Variants in STX1A observed in about 807,000 individuals in gnomAD.
STX1A encodes syntaxin 1A.
A neutral mutation model predicts 37.8 loss-of-function variants in STX1A; 4 were observed. The ratio of observed to expected loss-of-function variants is 0.11; its 90% CI spans 0.05 to 0.24. STX1A has a LOEUF of 0.24. Ranked by LOEUF, STX1A falls within the 10% of genes least tolerant of loss-of-function variation. STX1A has a pLI of 1.00. For missense variants in STX1A, 251 were observed against 399.9 expected, an observed-to-expected ratio of 0.63 and a Z score of 3.18; for synonymous variants, 135 against 147.4, an observed-to-expected ratio of 0.92 and a Z score of 0.61.
intron 1 of STX1A, among the ~76,000 whole-genome samples, chr7:73,715,403 A>G (rs1554618541): frequency 6.6e-6 from 1 of 151,996 alleles, no homozygotes; most frequent in East Asian, 1.9e-4. Flanking sequence ...GCCTGGAGAC[A>G]GTGCGAGACT....
intron 1 of STX1A, among the ~76,000 whole-genome samples, chr7:73,713,624 G>C (rs1799181828): frequency 6.6e-6 from 1 of 152,226 alleles, no homozygotes; most frequent in African/African-American, 2.4e-5. Context: ...CAGCTACTCA[G>C]GAGGCTGAGG....
At chr7:73,701,200 A>G in intron 8 of STX1A, 2 of 537,408 alleles carry the variant, frequency 3.7e-6, no homozygotes, top group Non-Finnish European at 6.6e-6. Flanking sequence ...TGCCCTGGCC[A>G]TAGCTCCTGA....
In STX1A at chr7:73,717,411, TGTG is replaced by T. The variant is rs1799326815; in HGVS notation, c.30+2188_30+2190del. On this transcript the variant is annotated intron_variant, in intron 1 of 9. Transcript: ENST00000222812. The surrounding 1 kb of genome is among the most constrained non-coding windows in gnomAD (Gnocchi z 4.1). ...CCTGGGGCTTCAGGCCTCCTACAAATGTGGAGCTGGAGTCAGGAGACCTGTAGC... is the reference window on the plus strand; with the variant it reads ...CCTGGGGCTTCAGGCCTCCTACAAATGAGCTGGAGTCAGGAGACCTGTAGC... 6.6e-6 allele frequency among the ~76,000 whole-genome samples: 1 copy of T among 152,108 alleles called. No individual in the cohort carries two copies. Among genetic ancestry groups the T allele is most frequent in the African/African-American group, 2.4e-5 (1 of 41,412 alleles).
At position 73,705,008 on chromosome 7, in the gene STX1A, G is replaced by A. The variant is rs1307057552; in HGVS notation, c.283+142C>T. ...CAACGGGCCTTGCCAAGTAGCTGCT[G>A]AGTGAATGGGCACATGACGCCACCC... On this transcript the variant is annotated intron_variant, in intron 4 of 9. Transcript: ENST00000222812. The surrounding 1 kb of genome is among the most constrained non-coding windows in gnomAD (Gnocchi z 5.2). The A allele has an allele frequency of 1.7e-5, 14 of 819,062 alleles. No individual in the cohort carries two copies. Among genetic ancestry groups the A allele is most frequent in the Non-Finnish European group, 2.5e-5 (12 of 482,594 alleles). 50.7% of individuals were successfully genotyped at this position (819,062 alleles called of 1,614,324 possible).
rs548571540 is a variant in STX1A, at chr7:73,703,047, G to A, written c.541-65C>T. 6.0e-6 allele frequency: 8 copies of A among 1,337,868 alleles called. No individual in the cohort carries two copies. In the East Asian group the frequency reaches 8.0e-5, roughly 13 times the overall value. The allele number at this position is 1,337,868 out of a possible 1,614,324, so 82.9% of individuals were successfully genotyped here. On this transcript the variant is annotated intron_variant, in intron 7 of 9. Transcript: ENST00000222812. Reference sequence around the variant, plus strand: ...TGAGGGGCAGGGCAGAGGGCCGAGGGGGAGGGCGTTTGGGGTGGGCAGAGC... The same window carrying A: ...TGAGGGGCAGGGCAGAGGGCCGAGGAGGAGGGCGTTTGGGGTGGGCAGAGC...
rs1798835773 is a variant in STX1A at position 73,705,452 on chromosome 7, C to T, written c.209-228G>A. On this transcript the variant is annotated intron_variant, in intron 3 of 9. Transcript: ENST00000222812. The surrounding 1 kb of genome is among the most constrained non-coding windows in gnomAD (Gnocchi z 5.2). ...TTGTGCTGTCTTCGGAGGAGCCTCC[C>T]TTCCTCCTTTGCTGGCGCCCCCACC... 3.8e-6 allele frequency: 2 copies of T among 529,056 alleles called. No individual in the cohort carries two copies. The highest frequency in any genetic ancestry group is 6.8e-6 in the Non-Finnish European group (2 of 295,480). 32.8% of individuals were successfully genotyped at this position (529,056 alleles called of 1,614,324 possible). A position where few individuals can be genotyped will look rare whatever the true frequency, so the allele number is the denominator to read the frequency against.
chr7:73,699,950 T>C lies in STX1A; in HGVS notation c.*457A>G, dbSNP rs1400138581. On this transcript the variant is annotated 3_prime_UTR_variant, in exon 10 of 10. Coordinates refer to ENST00000222812, the MANE Select transcript of STX1A (RefSeq NM_004603.4). ...CTGTCCCTCAGGGCCACCTCTCCCC[T>C]AACCTGAAAAGCAGCACCATGTGGC... 1.5e-5 allele frequency: 3 copies of C among 206,818 alleles called. No homozygotes were observed. Among genetic ancestry groups the C allele is most frequent in the African/African-American group, 6.9e-5 (3 of 43,636 alleles). 12.8% of individuals were successfully genotyped at this position (206,818 alleles called of 1,614,324 possible).
Position 73,706,195 on chromosome 7 carries a change from G to T in STX1A, c.209-971C>A, listed in dbSNP as rs1223850499. ...GGGACAGGGAGGGGTGTTGAGAGTG[G>T]TCTATCAGGAAGGCCCCGGATGGGG... On this transcript the variant is annotated intron_variant, in intron 3 of 9. Coordinates refer to ENST00000222812, the MANE Select transcript of STX1A (RefSeq NM_004603.4). This position sits in a 1 kb window ranked among gnomAD's most constrained non-coding sequence, Gnocchi z 4.6. 6.6e-6 allele frequency among the ~76,000 whole-genome samples: 1 copy of T among 152,114 alleles called. No homozygotes were observed. The highest frequency in any genetic ancestry group is 6.5e-5 in the Admixed American group (1 of 15,278).
rs547690713 is a variant in STX1A at position 73,719,611 on chromosome 7, C to G, written c.21G>C (p.Glu7Asp). The G allele has an allele frequency of 5.8e-6, 7 of 1,205,736 alleles. No individual in the cohort carries two copies. The South Asian group carries it at 1.2e-4, about 21-fold the overall frequency. 74.7% of individuals were successfully genotyped at this position (1,205,736 alleles called of 1,614,324 possible). ...CTGGGGCCGGACTCACCGTGCGGAGCTCCTGGGTTCGGTCCTTCATGCTCC... is the reference window on the plus strand; with the variant it reads ...CTGGGGCCGGACTCACCGTGCGGAGGTCCTGGGTTCGGTCCTTCATGCTCC... MKDRTQ[E>D]LRTAKDSDDD... The change falls in exon 1 of 10, where the codon GAG becomes GAC. Residue 7 changes from glutamate to aspartate, a missense_variant. Physicochemically the swap from Glu to Asp is conservative, Grantham distance 45 (BLOSUM62 2). Coordinates refer to ENST00000222812, the MANE Select transcript of STX1A (RefSeq NM_004603.4).
intron 1 of STX1A, among the ~76,000 whole-genome samples, chr7:73,719,232 G>A (rs1186836389): frequency 6.6e-6 from 1 of 152,122 alleles, no homozygotes; most frequent in Non-Finnish European, 1.5e-5. Context: ...GGTCAGAGAT[G>A]AGGGGCAGTG....
At chr7:73,701,825 C>T (rs748259614) in intron 8 of STX1A, among the ~76,000 whole-genome samples, 39 of 152,186 alleles carry the variant, frequency 2.6e-4, no homozygotes, top group Admixed American at 1.4e-3. Flanking sequence ...TGCTGTGGCT[C>T]ACATCTATGA....
At chr7:73,711,638 G>A (rs1290223654) in intron 1 of STX1A, among the ~76,000 whole-genome samples, 2 of 152,096 alleles carry the variant, frequency 1.3e-5, no homozygotes, top group African/African-American at 4.8e-5. Flanking sequence ...ACTGCCAGGA[G>A]GAGCCCAGTT....
chr7:73,712,490 C>T (rs1799140037), intron 1 of STX1A, among the ~76,000 whole-genome samples: 5 of 152,122 alleles, frequency 3.3e-5, no homozygotes, highest in Middle Eastern at 3.4e-3. Context: ...ATCAGTATCT[C>T]GCACCTTGTT....
At chr7:73,703,509 G>A (rs1798743962) in intron 7 of STX1A, 3 of 687,332 alleles carry the variant, frequency 4.4e-6, no homozygotes, top group Non-Finnish European at 8.0e-6. Flanking sequence ...AGGAGGAGCC[G>A]CTGGCCGCCG....
chr7:73,708,912 G>T, intron 2 of STX1A, 133 bp downstream of exon 2: 3 of 1,037,616 alleles, frequency 2.9e-6, no homozygotes, highest in Admixed American at 1.8e-5. Flanking sequence ...CCCTCAAAAC[G>T]GTTCATTCGT....
chr7:73,703,655 G>A, intron 7 of STX1A, 100 bp downstream of exon 7: 1 of 1,359,196 alleles, frequency 7.4e-7, no homozygotes, highest in Non-Finnish European at 1.0e-6. Context: ...GCCTTACAAG[G>A]GGTCTGTGTC....
Position 73,704,389 on chromosome 7 carries a change from C to G in STX1A, c.318G>C (p.Leu106=). The G allele has an allele frequency of 6.2e-7, 1 of 1,614,198 alleles. No homozygotes were observed. The highest frequency in any genetic ancestry group is 2.2e-5 in the East Asian group (1 of 44,888). Residue 106 remains leucine, a synonymous_variant, in exon 5 of 10, where the codon CTG becomes CTC. Coordinates refer to ENST00000222812, the MANE Select transcript of STX1A (RefSeq NM_004603.4). ...TCCTCAGGTCAGCGGAGGAGCGGTT[C>G]AGGCCTTCCTCTTGCTCGATGGACT... ...IEQSIEQEEG[L]NRSSADLRIR... is the part of the protein sequence containing the mutation.
rs532467792 is a variant in STX1A at position 73,709,771 on chromosome 7, C to A, written c.31-649G>T. Among the ~76,000 whole-genome samples the A allele has an allele frequency of 2.0e-5, 3 of 152,300 alleles. No homozygotes were observed. The highest frequency in any genetic ancestry group is 2.9e-5 in the Non-Finnish European group (2 of 68,024). On this transcript the variant is annotated intron_variant, in intron 1 of 9. Transcript: ENST00000222812. The surrounding 1 kb of genome is among the most constrained non-coding windows in gnomAD (Gnocchi z 4.2). ...TCCCAAGCTCCCTTTCCAGAGTGGG[C>A]CCTATAAGGGGAGACCTGCCTACTG...
intron 7 of STX1A, chr7:73,703,426 C>G (rs186415161): frequency 1.7e-6 from 1 of 604,410 alleles, no homozygotes; most frequent in Non-Finnish European, 3.1e-6. Flanking sequence ...TCAGGGAGCA[C>G]CCCTGCCCGG....
Sources: allele counts gnomAD v4.1 joint callset (sites outside exome capture counted in the v4.1 genomes callset), GRCh38; gene constraint gnomAD v4.1.1; non-coding constraint Gnocchi (gnomAD v3.1); transcripts MANE v1.5; gene names NCBI Gene and HGNC (gene_info 2026-07-23, HGNC 2026-07-21).